The following PGAP3 variants were observed in gnomAD, a reference collection of about 807,000 sequenced individuals.
PGAP3 encodes GPI-specific phospholipase A2-like PGAP3.
In PGAP3, 31 loss-of-function variants were observed where a neutral mutation model predicts 40.3. The observed-to-expected ratio is 0.77, with a 90% CI of 0.58 to 1.04. The LOEUF (loss-of-function observed/expected upper bound fraction) is 1.04. Among genes scored for constraint, PGAP3 ranks in the 50% least tolerant of loss-of-function variants. The pLI is 0.00. For missense variants in PGAP3, 413 were observed against 423.0 expected, an observed-to-expected ratio of 0.98 and a Z score of 0.21; for synonymous variants, 191 against 184.5, an observed-to-expected ratio of 1.04 and a Z score of -0.29.
intron 3 of PGAP3, 114 bp downstream of exon 3, chr17:39,684,483 C>G (rs2145140745): frequency 7.6e-7 from 1 of 1,318,096 alleles, no homozygotes; most frequent in Non-Finnish European, 1.0e-6. Context: ...AACTTTAGCC[C>G]TGGGAAACAG....
In PGAP3 at chr17:39,687,947, C is replaced by T. The variant is rs946530794; in HGVS notation, c.68G>A (p.Gly23Asp). 6 of 1,476,254 alleles carry T rather than the reference C, an allele frequency of 4.1e-6. No homozygotes were observed. The highest frequency in any genetic ancestry group is 1.4e-5 in the African/African-American group (1 of 70,372). 91.4% of individuals were successfully genotyped at this position (1,476,254 alleles called of 1,614,324 possible). The change falls in exon 1 of 8, where the codon GGC (glycine) becomes GAC (aspartate). Residue 23 changes from glycine (G) to aspartate (D), a missense_variant. By Grantham distance (94) the Gly-to-Asp change is moderately conservative (BLOSUM62 -1). Coordinates refer to ENST00000300658, the MANE Select transcript of PGAP3 (RefSeq NM_033419.5). ...GAAALASGSQGDREPVYRDCV... is the reference protein window; with the variant it reads ...GAAALASGSQDDREPVYRDCV... ...GTCGCGGTACACCGGCTCACGGTCG[C>T]CCTGGGAGCCGCTCGCCAGCGCCGC...
At chr17:39,682,621 G>A (rs2057456851) in intron 3 of PGAP3, among the ~76,000 whole-genome samples, 1 of 152,092 alleles carries the variant, frequency 6.6e-6, no homozygotes, top group African/African-American at 2.4e-5. Context: ...CAAGACCCAT[G>A]CCACCTCTCT....
intron 3 of PGAP3, among the ~76,000 whole-genome samples, chr17:39,678,554 G>A (rs996421010): frequency 3.9e-5 from 6 of 152,182 alleles, no homozygotes; most frequent in African/African-American, 7.2e-5. Context: ...GCTGGAGGGC[G>A]GGGTCTCCTC....
In PGAP3 at chr17:39,684,640, G is replaced by A. The variant is rs1267276688; in HGVS notation, c.389C>T (p.Pro130Leu). 6.2e-7 allele frequency: 1 copy of A among 1,613,988 alleles called. No individual in the cohort carries two copies. Among genetic ancestry groups the A allele is most frequent in the Non-Finnish European group, 8.5e-7 (1 of 1,179,988 alleles). Residue 130 changes from proline (P) to leucine (L), a missense_variant, in exon 3 of 8, where the codon CCA (proline) becomes CTA (leucine). By Grantham distance (98) the Pro-to-Leu change is moderately conservative (BLOSUM62 -3). Coordinates refer to ENST00000300658, the MANE Select transcript of PGAP3 (RefSeq NM_033419.5). The part of the protein sequence containing the change: ...VMLCRYRTFV[P>L]ASSPMYHTCV... ...GGTGTGGTACATGGGGGAGGAGGCT[G>A]GCACGAAGGTGCGGTAGCGGCAGAG...
At chr17:39,679,252 G>A (rs1231253380) in intron 3 of PGAP3, among the ~76,000 whole-genome samples, 3 of 152,142 alleles carry the variant, frequency 2.0e-5, no homozygotes, top group Non-Finnish European at 4.4e-5. Flanking sequence ...GCCATCTGCT[G>A]CTTTTTCTCT....
At chr17:39,677,135 A>G (rs2057384573) in intron 3 of PGAP3, among the ~76,000 whole-genome samples, 1 of 152,150 alleles carries the variant, frequency 6.6e-6, no homozygotes, top group Admixed American at 6.5e-5. Flanking sequence ...TGCCTCACCT[A>G]CAAAACAGGT....
At position 39,687,990 on chromosome 17, in the gene PGAP3, C is replaced by A; in HGVS notation, c.25G>T (p.Val9Phe). The A allele has an allele frequency of 7.0e-7, 1 of 1,430,860 alleles. No individual in the cohort carries two copies. The highest frequency in any genetic ancestry group is 1.4e-5 in the South Asian group (1 of 72,292). The allele number at this position is 1,430,860 out of a possible 1,614,324, so 88.6% of individuals were successfully genotyped here. A position where few individuals can be genotyped will look rare whatever the true frequency, so the allele number is the denominator to read the frequency against. The change falls in exon 1 of 8, where the codon GTC becomes TTC. Residue 9 changes from valine to phenylalanine, a missense_variant. Val to Phe is a conservative substitution (Grantham distance 50). Coordinates refer to ENST00000300658, the MANE Select transcript of PGAP3 (RefSeq NM_033419.5). The part of the protein sequence containing the change: MAGLAARL[V>F]LLAGAAALAS... Reference sequence around the variant, plus strand: ...AGCGCCGCTGCCCCAGCTAGCAGGACCAACCGCGCCGCCAGGCCGGCCATC... The same window carrying A: ...AGCGCCGCTGCCCCAGCTAGCAGGAACAACCGCGCCGCCAGGCCGGCCATC...
rs111936909 is a variant in PGAP3 at position 39,683,039 on chromosome 17, G to A, written c.432+1558C>T. On this transcript the variant is annotated intron_variant, in intron 3 of 7. Coordinates refer to ENST00000300658, the MANE Select transcript of PGAP3 (RefSeq NM_033419.5). ...TGCAGCGAGCCAAGATAGCGCCACT[G>A]CACTCCAGCTGGGGCAACAGAGTGA... Among the ~76,000 whole-genome samples, 1,141 of 152,168 alleles carry A rather than the reference G, an allele frequency of 7.5e-3. 9 individuals carry two copies. Among genetic ancestry groups the A allele is most frequent in the African/African-American group, 0.026 (1,069 of 41,502 alleles).
chr17:39,674,978 A>G (rs1567872493), intron 3 of PGAP3, among the ~76,000 whole-genome samples: 1 of 152,092 alleles, frequency 6.6e-6, no homozygotes, highest in South Asian at 2.1e-4. Context: ...TAGTTACTCA[A>G]TTGCTAAGAC....
At position 39,672,704 on chromosome 17, in the gene PGAP3, GA is replaced by G. The variant is rs1023544045; in HGVS notation, c.*98del. ...CCACATCCTTCATGTCCAAGTTCAA[GA>G]AGTTGAAAAGAGAAAATCATCTCAA... On this transcript the variant is annotated 3_prime_UTR_variant, in exon 8 of 8. Coordinates refer to ENST00000300658, the MANE Select transcript of PGAP3 (RefSeq NM_033419.5). 1.6e-6 allele frequency: 2 copies of G among 1,249,854 alleles called. No homozygotes were observed. Among genetic ancestry groups the G allele is most frequent in the African/African-American group, 2.9e-5 (2 of 68,182 alleles). The allele number at this position is 1,249,854 out of a possible 1,614,324, so 77.4% of individuals were successfully genotyped here.
At position 39,685,622 on chromosome 17, in the gene PGAP3, T is replaced by C. The variant is rs555006268; in HGVS notation, c.279+300A>G. Reference sequence around the variant, plus strand: ...AGAAGCAACAGGAAACAAGCCACAGTAGGTAAGGGAATTTGTCCCTGCAGT... The same window carrying C: ...AGAAGCAACAGGAAACAAGCCACAGCAGGTAAGGGAATTTGTCCCTGCAGT... On this transcript the variant is annotated intron_variant, in intron 2 of 7. Coordinates refer to ENST00000300658, the MANE Select transcript of PGAP3 (RefSeq NM_033419.5). Among the ~76,000 whole-genome samples the C allele has an allele frequency of 4.6e-5, 7 of 151,884 alleles. No individual in the cohort carries two copies. In the East Asian group the frequency reaches 1.2e-3, roughly 25 times the overall value.
intron 5 of PGAP3, 85 bp downstream of exon 5, chr17:39,673,908 A>C: frequency 6.7e-7 from 1 of 1,485,554 alleles, no homozygotes; most frequent in Non-Finnish European, 9.3e-7. Flanking sequence ...GAGACTAGTG[A>C]AGAAGGCCCC....
Position 39,671,254 on chromosome 17 carries a change from A to C in PGAP3, c.*1549T>G, listed in dbSNP as rs1049677405. On this transcript the variant is annotated 3_prime_UTR_variant, in exon 8 of 8. Transcript: ENST00000300658. ...AGTCCTAGCATAGCTCCCCTCCCTC[A>C]AAGAGGGACAAGGGGTCAGGGGCAG... 13 of 152,284 alleles carry C rather than the reference A, an allele frequency of 8.5e-5. No individual in the cohort carries two copies. The highest frequency in any genetic ancestry group is 2.9e-4 in the African/African-American group (12 of 41,422). 9.4% of individuals were successfully genotyped at this position (152,284 alleles called of 1,614,324 possible). A position where few individuals can be genotyped will look rare whatever the true frequency, so the allele number is the denominator to read the frequency against.
At chr17:39,674,756 AT>A in intron 3 of PGAP3, 77 bp from the exon 4 acceptor site, 1 of 1,398,118 alleles carries the variant, frequency 7.2e-7, no homozygotes, top group Non-Finnish European at 9.8e-7. Flanking sequence ...GCTCACATCC[AT>A]TTCACCTTTG....
At chr17:39,681,393 A>G (rs1720808814) in intron 3 of PGAP3, among the ~76,000 whole-genome samples, 1 of 152,172 alleles carries the variant, frequency 6.6e-6, no homozygotes, top group Non-Finnish European at 1.5e-5. Context: ...AATACCTATA[A>G]GCTGCGTTAA....
intron 3 of PGAP3, 152 bp from the exon 4 acceptor site, chr17:39,674,831 A>C: frequency 1.3e-6 from 1 of 769,240 alleles, no homozygotes; most frequent in Non-Finnish European, 2.0e-6. Context: ...GAACAAACCT[A>C]TGTCCCTCTA....
chr17:39,673,536 G>C lies in PGAP3; in HGVS notation c.672C>G (p.Asn224Lys). 6.2e-7 allele frequency: 1 copy of C among 1,614,092 alleles called. No individual in the cohort carries two copies. Among genetic ancestry groups the C allele is most frequent in the Non-Finnish European group, 8.5e-7 (1 of 1,180,002 alleles). Residue 224 changes from asparagine (N) to lysine (K), a missense_variant, in exon 6 of 8, where the codon AAC becomes AAG. Coordinates refer to ENST00000300658, the MANE Select transcript of PGAP3 (RefSeq NM_033419.5). ...CACCAATAGCCACGTTGGCCACCAG[G>C]TTGTAGCCATAGTCGAAGCGGATGA... is the stretch of plus-strand genomic sequence containing the variant. Reference protein sequence around the residue: ...LSLIRFDYGYNLVANVAIGLV... With the variant: ...LSLIRFDYGYKLVANVAIGLV...
chr17:39,681,024 G>A (rs547297629), intron 3 of PGAP3, among the ~76,000 whole-genome samples: 10 of 152,180 alleles, frequency 6.6e-5, no homozygotes, highest in African/African-American at 2.4e-4. Context: ...CACCAGGCCT[G>A]GCTTATTTTT....
intron 1 of PGAP3, 98 bp downstream of exon 1, chr17:39,687,736 T>G: frequency 4.2e-6 from 4 of 960,924 alleles, no homozygotes; most frequent in Non-Finnish European, 5.5e-6. Flanking sequence ...AGAGACCTCG[T>G]GGGGAAACTA....
Sources: allele counts gnomAD v4.1 joint callset (sites outside exome capture counted in the v4.1 genomes callset), GRCh38; gene constraint gnomAD v4.1.1; transcripts MANE v1.5; gene names NCBI Gene and HGNC (gene_info 2026-07-23, HGNC 2026-07-21).